CUL4A: variants seen among roughly 807,000 people sequenced by gnomAD.
CUL4A encodes the protein cullin-4A.
CUL4A carries 16 observed loss-of-function variants against 95.5 expected under a neutral mutation model. The observed-to-expected ratio is 0.17, with a 90% CI of 0.11 to 0.25. The LOEUF (loss-of-function observed/expected upper bound fraction) is 0.25. CUL4A is among the 10% of genes least tolerant of loss of function. CUL4A has a pLI of 1.00. For synonymous variants in CUL4A, 380 were observed against 353.1 expected (o/e 1.08, Z -0.85); for missense variants, 610 against 937.0 (o/e 0.65, Z 4.56).
intron 3 of CUL4A, among the ~76,000 whole-genome samples, chr13:113,226,895 C>T (rs1260132280): frequency 2.0e-5 from 3 of 151,984 alleles, no homozygotes; most frequent in Non-Finnish European, 4.4e-5. Flanking sequence ...CTTACCAGGC[C>T]AGTCACCATC....
At chr13:113,231,020 A>G (rs1035537884) in intron 5 of CUL4A, among the ~76,000 whole-genome samples, 1 of 152,056 alleles carries the variant, frequency 6.6e-6, no homozygotes, top group Admixed American at 6.5e-5. Context: ...CGATCCTCCC[A>G]CCTCAGCCTC....
chr13:113,219,119 A>G (rs1164137451), intron 3 of CUL4A, 71 bp downstream of exon 3: 9 of 929,256 alleles, frequency 9.7e-6, no homozygotes, highest in Non-Finnish European at 1.5e-5. Flanking sequence ...TTATTATGAT[A>G]AAGAGCTAAT....
intron 18 of CUL4A, among the ~76,000 whole-genome samples, chr13:113,257,539 G>A (rs987868523): frequency 2.6e-5 from 4 of 152,120 alleles, no homozygotes; most frequent in Admixed American, 1.3e-4. Context: ...GGTGTCTCAC[G>A]TGGCAAAAGC....
At chr13:113,250,309 G>T (rs755964930) in intron 15 of CUL4A, among the ~76,000 whole-genome samples, 16 of 152,040 alleles carry the variant, frequency 1.1e-4, no homozygotes, top group African/African-American at 3.1e-4. Flanking sequence ...CAGATTAGCC[G>T]CATGTCGTGG....
At chr13:113,210,813 A>G (rs892145408) in intron 2 of CUL4A, among the ~76,000 whole-genome samples, 4 of 152,218 alleles carry the variant, frequency 2.6e-5, no homozygotes, top group Non-Finnish European at 5.9e-5. Context: ...TTTTCTGGAT[A>G]TGCAAGTGAC....
At chr13:113,257,711 T>C (rs1302471950) in intron 18 of CUL4A, among the ~76,000 whole-genome samples, 1 of 144,576 alleles carries the variant, frequency 6.9e-6, no homozygotes, top group Non-Finnish European at 1.5e-5. Context: ...AGGGGACACA[T>C]ATTCAAAACC....
At chr13:113,236,566 G>A (rs574340015) in intron 8 of CUL4A, among the ~76,000 whole-genome samples, 68 of 152,298 alleles carry the variant, frequency 4.5e-4, no homozygotes, top group Non-Finnish European at 7.9e-4. Flanking sequence ...TTGGAATAAC[G>A]CAGAAGCATC....
chr13:113,258,172 G>A (rs1005264950), intron 18 of CUL4A, among the ~76,000 whole-genome samples: 1 of 151,966 alleles, frequency 6.6e-6, no homozygotes, highest in African/African-American at 2.4e-5. Flanking sequence ...TGTATTTTTT[G>A]TAGAGATGAG....
intron 15 of CUL4A, among the ~76,000 whole-genome samples, chr13:113,250,365 T>C (rs772432559): frequency 6.6e-6 from 1 of 152,120 alleles, no homozygotes; most frequent in Non-Finnish European, 1.5e-5. Flanking sequence ...GGTGGCAGGA[T>C]TGCCTGAGTC....
At chr13:113,221,032 T>A (rs1480047235) in intron 3 of CUL4A, among the ~76,000 whole-genome samples, 1 of 152,188 alleles carries the variant, frequency 6.6e-6, no homozygotes, top group Non-Finnish European at 1.5e-5. Context: ...AATGGTGGCA[T>A]GTGAAGCATC....
At chr13:113,244,564 G>A in intron 12 of CUL4A, 50 bp downstream of exon 12, 2 of 1,339,166 alleles carry the variant, frequency 1.5e-6, no homozygotes, top group Non-Finnish European at 2.1e-6. Context: ...GGTGTAAACA[G>A]GCCCTGCTTT....
Position 113,229,547 on chromosome 13 carries a change from G to A in CUL4A, c.512+28G>A, listed in dbSNP as rs367924257. Reference sequence around the variant, plus strand: ...GAGTGTCCTCACAGCGCAGAGCTGCGTCTTCCCTGCAGCTGATGCTTTTCG... The same window carrying A: ...GAGTGTCCTCACAGCGCAGAGCTGCATCTTCCCTGCAGCTGATGCTTTTCG... On this transcript the variant is annotated intron_variant, in intron 5 of 19. Coordinates refer to ENST00000375440, the MANE Select transcript of CUL4A (RefSeq NM_001008895.4). 5.7e-4 allele frequency: 894 copies of A among 1,578,808 alleles called. 4 individuals carry two copies. The highest frequency in any genetic ancestry group is 1.7e-3 in the Middle Eastern group (10 of 5,782).
chr13:113,266,911 TC>T lies in CUL4A; in HGVS notation c.*3330del, dbSNP rs1434138690. 2.6e-4 allele frequency: 39 copies of T among 152,324 alleles called. No individual in the cohort carries two copies. Among genetic ancestry groups the T allele is most frequent in the African/African-American group, 9.4e-4 (39 of 41,568 alleles). 9.4% of individuals were successfully genotyped at this position (152,324 alleles called of 1,614,324 possible). A position where few individuals can be genotyped will look rare whatever the true frequency, so the allele number is the denominator to read the frequency against. On this transcript the variant is annotated 3_prime_UTR_variant, in exon 20 of 20. Transcript: ENST00000375440. The stretch of plus-strand genomic sequence containing the variant: ...TATAAATTTATAGAGTATAAAGTGA[TC>T]TTATAAATTATGCATACATTGTGGA...
chr13:113,220,570 CTT>C (rs1391561406), intron 3 of CUL4A, among the ~76,000 whole-genome samples: 1 of 152,222 alleles, frequency 6.6e-6, no homozygotes, highest in African/African-American at 2.4e-5. Context: ...TGGGGGAAGT[CTT>C]TAGCAGATGC....
intron 3 of CUL4A, 95 bp from the exon 4 acceptor site, chr13:113,227,881 C>T (rs1224388646): frequency 2.6e-5 from 19 of 719,448 alleles, no homozygotes; most frequent in Non-Finnish European, 3.9e-5. Context: ...GCACTCCAGC[C>T]TGGGCGACAG....
At chr13:113,235,202 C>A in intron 8 of CUL4A, 57 bp downstream of exon 8, 1 of 1,216,100 alleles carries the variant, frequency 8.2e-7, no homozygotes, top group Non-Finnish European at 1.2e-6. Flanking sequence ...GAAGGTTCTC[C>A]TGGCTGGTTA....
chr13:113,245,507 A>C (rs960651638), intron 14 of CUL4A, among the ~76,000 whole-genome samples: 20 of 152,136 alleles, frequency 1.3e-4, no homozygotes, highest in African/African-American at 4.3e-4. Context: ...CCGTGACTGC[A>C]CCACTGCGCT....
intron 8 of CUL4A, 46 bp downstream of exon 8, chr13:113,235,191 G>A: frequency 7.5e-7 from 1 of 1,327,240 alleles, no homozygotes; most frequent in Non-Finnish European, 1.1e-6. Flanking sequence ...CACCATGGCT[G>A]GAAGGTTCTC....
intron 2 of CUL4A, 74 bp from the exon 3 acceptor site, chr13:113,218,871 G>A: frequency 2.0e-6 from 2 of 1,022,680 alleles, no homozygotes; most frequent in South Asian, 3.0e-5. Flanking sequence ...TTACAGCTAT[G>A]TTAACAATAG....
Sources: gnomAD v4.1 joint callset for allele counts (sites outside exome capture counted in the v4.1 genomes callset) on GRCh38, gnomAD v4.1.1 for gene constraint, MANE v1.5 for transcripts, NCBI Gene and HGNC (gene_info 2026-07-23, HGNC 2026-07-21) for gene names.